OSBPL5: variants seen among roughly 807,000 people sequenced by gnomAD.
OSBPL5 encodes the protein oxysterol binding protein like 5, also known as oxysterol-binding protein-related protein 5.
In OSBPL5, 71 loss-of-function variants were observed where a neutral mutation model predicts 111.2. The ratio of observed to expected loss-of-function variants is 0.64; its 90% CI spans 0.53 to 0.78. The LOEUF (loss-of-function observed/expected upper bound fraction) is 0.78. Ranked by LOEUF, OSBPL5 falls within the 30% of genes least tolerant of loss-of-function variation. OSBPL5 has a pLI of 0.00. For synonymous variants in OSBPL5, 549 were observed against 513.9 expected (o/e 1.07, Z -0.93); for missense variants, 1,210 against 1,189.3 (o/e 1.02, Z -0.26).
chr11:3,107,692 G>A lies in OSBPL5; in HGVS notation c.866+79C>T. The stretch of plus-strand genomic sequence containing the variant: ...TGCAGCCCACCAGAGCAGTGGCTGG[G>A]GCTGTCCTCTCCCCTCTTCCTCGCC... On this transcript the variant is annotated intron_variant, in intron 8 of 21. Coordinates refer to ENST00000263650, the MANE Select transcript of OSBPL5 (RefSeq NM_020896.4). The surrounding 1 kb of genome is among the most constrained non-coding windows in gnomAD (Gnocchi z 6.1). The A allele has an allele frequency of 3.9e-6, 6 of 1,552,868 alleles. No individual in the cohort carries two copies. The highest frequency in any genetic ancestry group is 5.2e-6 in the Non-Finnish European group (6 of 1,143,332).
Position 3,102,183 on chromosome 11 carries a change from C to T in OSBPL5, c.1425G>A (p.Gln475=). The T allele has an allele frequency of 1.9e-6, 3 of 1,597,182 alleles. No homozygotes were observed. Among genetic ancestry groups the T allele is most frequent in the Non-Finnish European group, 2.6e-6 (3 of 1,172,566 alleles). ...TDSRTFYIAE[Q]VSHHPPVSAF... ...CCGGTTGCAGCAGAGGTGCTCTTGC[C>T]TGCTCTGCTATGTAGAATGTGCGGC... The change falls in exon 12 of 22, where the codon CAG becomes CAA. Residue 475 remains glutamine, a splice_region_variant and synonymous_variant. Transcript: ENST00000263650.
chr11:3,139,263 C>T (rs1454926623), intron 1 of OSBPL5, among the ~76,000 whole-genome samples: 5 of 152,134 alleles, frequency 3.3e-5, no homozygotes, highest in Admixed American at 6.5e-5. Context: ...GCTGAGTGAG[C>T]GGAGACCAGG....
At position 3,092,310 on chromosome 11, in the gene OSBPL5, G is replaced by C. The variant is rs752387652; in HGVS notation, c.2259+122C>G. 5 of 1,313,838 alleles carry C rather than the reference G, an allele frequency of 3.8e-6. No individual in the cohort carries two copies. In the East Asian group the frequency reaches 1.3e-4, roughly 34 times the overall value. 81.4% of individuals were successfully genotyped at this position (1,313,838 alleles called of 1,614,324 possible). ...AGAAGGAAAGGGGACGAGGGGGCTGGGGGATGAGGGCGTGAGGGAAACGGA... is the reference window on the plus strand; with the variant it reads ...AGAAGGAAAGGGGACGAGGGGGCTGCGGGATGAGGGCGTGAGGGAAACGGA... On this transcript the variant is annotated intron_variant, in intron 19 of 21. Coordinates refer to ENST00000263650, the MANE Select transcript of OSBPL5 (RefSeq NM_020896.4). The surrounding 1 kb of genome is among the most constrained non-coding windows in gnomAD (Gnocchi z 5.4).
chr11:3,096,251 T>C (rs1300715680), intron 14 of OSBPL5, among the ~76,000 whole-genome samples: 1 of 152,202 alleles, frequency 6.6e-6, no homozygotes, highest in Non-Finnish European at 1.5e-5. Context: ...ATGAACCAGA[T>C]TGTAGACTCG....
chr11:3,149,998 G>A (rs1284671040), intron 1 of OSBPL5, among the ~76,000 whole-genome samples: 2 of 152,160 alleles, frequency 1.3e-5, no homozygotes, highest in Non-Finnish European at 2.9e-5. Context: ...GTGCACAGAT[G>A]CATGCATGCA....
intron 11 of OSBPL5, among the ~76,000 whole-genome samples, chr11:3,103,023 G>C (rs1857510726): frequency 1.3e-5 from 2 of 152,160 alleles, no homozygotes; most frequent in South Asian, 4.1e-4. Flanking sequence ...CCACCCTTGG[G>C]GACCCGGCCT....
At chr11:3,092,000 C>T (rs1378059976) in intron 19 of OSBPL5, among the ~76,000 whole-genome samples, 1 of 152,226 alleles carries the variant, frequency 6.6e-6, no homozygotes, top group Non-Finnish European at 1.5e-5. Context: ...CCCAAGGCAG[C>T]TTCCTCAGGT....
At chr11:3,090,409 TGG>T in intron 20 of OSBPL5, 147 bp downstream of exon 20, 2 of 1,034,524 alleles carry the variant, frequency 1.9e-6, no homozygotes, top group Non-Finnish European at 2.7e-6. Flanking sequence ...CAGAGCCTGC[TGG>T]GGGGCCCCTC....
At chr11:3,091,901 C>CT (rs1487329870) in intron 19 of OSBPL5, among the ~76,000 whole-genome samples, 3 of 152,154 alleles carry the variant, frequency 2.0e-5, no homozygotes, top group African/African-American at 7.2e-5. Flanking sequence ...AGGTGCACGG[C>CT]TGGGGCGGTG....
Position 3,109,824 on chromosome 11 carries a change from T to C in OSBPL5, c.692-1879A>G, listed in dbSNP as rs1055598944. On this transcript the variant is annotated intron_variant, in intron 7 of 21. Transcript: ENST00000263650. The surrounding 1 kb of genome is among the most constrained non-coding windows in gnomAD (Gnocchi z 7.4). ...TGTAGCTGCCACAAAGGACTAGACA[T>C]CCTGAATATTATGCATCCTTTGAAG... Among the ~76,000 whole-genome samples, 1 of 152,130 alleles carries C rather than the reference T, an allele frequency of 6.6e-6. No homozygotes were observed. Among genetic ancestry groups the C allele is most frequent in the Non-Finnish European group, 1.5e-5 (1 of 68,020 alleles).
At chr11:3,112,057 A>ATCTG (rs1857991075) in intron 7 of OSBPL5, among the ~76,000 whole-genome samples, 44 of 118,160 alleles carry the variant, frequency 3.7e-4, no homozygotes, top group Non-Finnish European at 1.6e-4. Flanking sequence ...ATGTGTGTGC[A>ATCTG]TGTGTATGTG....
At chr11:3,099,235 C>CT (rs142297064) in intron 14 of OSBPL5, among the ~76,000 whole-genome samples, 189 of 152,334 alleles carry the variant, frequency 1.2e-3, no homozygotes, top group African/African-American at 4.4e-3. Flanking sequence ...GTGGCTCCAT[C>CT]TAGTCACGTC....
chr11:3,111,155 C>G (rs2084236), intron 7 of OSBPL5, among the ~76,000 whole-genome samples: 8 of 150,708 alleles, frequency 5.3e-5, no homozygotes, highest in Admixed American at 4.0e-4. Flanking sequence ...GCCCCACCCC[C>G]ACCCCCTGCC....
chr11:3,135,873 GGAGGGGACA>G (rs1219599363), intron 1 of OSBPL5, among the ~76,000 whole-genome samples: 1 of 152,092 alleles, frequency 6.6e-6, no homozygotes, highest in Non-Finnish European at 1.5e-5. Context: ...TAGGAGTTGC[GGAGGGGACA>G]GAGGCGAGGG....
chr11:3,150,366 C>T (rs77169228), intron 1 of OSBPL5, among the ~76,000 whole-genome samples: 2,617 of 152,224 alleles, frequency 0.017, 26 homozygotes, highest in Non-Finnish European at 0.021. Flanking sequence ...CAGGCCTGTC[C>T]CAGGTTGTCT....
chr11:3,125,111 C>CA (rs143666816), intron 3 of OSBPL5, among the ~76,000 whole-genome samples: 6,733 of 152,288 alleles, frequency 0.044, 183 homozygotes, highest in Admixed American at 0.084. Context: ...GTCCTCTGCT[C>CA]ACTCCTCAGT....
At chr11:3,122,214 G>A (rs1858443571) in intron 4 of OSBPL5, 116 bp from the exon 5 acceptor site, 6 of 1,324,636 alleles carry the variant, frequency 4.5e-6, no homozygotes, top group Non-Finnish European at 5.2e-6. Flanking sequence ...GAAGTAGGAG[G>A]AAGTAGGGGG....
intron 1 of OSBPL5, among the ~76,000 whole-genome samples, chr11:3,155,106 C>A (rs1184059756): frequency 6.6e-6 from 1 of 152,144 alleles, no homozygotes; most frequent in African/African-American, 2.4e-5. Context: ...TCAGGAGAAA[C>A]CAGCCCTGAA....
Position 3,104,334 on chromosome 11 carries a change from T to C in OSBPL5, c.1103A>G (p.Lys368Arg). 9 of 1,613,256 alleles carry C rather than the reference T, an allele frequency of 5.6e-6. No individual in the cohort carries two copies. Among genetic ancestry groups the C allele is most frequent in the Non-Finnish European group, 6.8e-6 (8 of 1,179,924 alleles). Reference sequence around the variant, plus strand: ...CTTCAGCAGGGTCCACATCAGACTCTTGTTCTCCTCTGACACTGTCTCCAC... The same window carrying C: ...CTTCAGCAGGGTCCACATCAGACTCCTGTTCTCCTCTGACACTGTCTCCAC... ...SQVETVSEEN[K>R]SLMWTLLKQL... The change falls in exon 10 of 22, where the codon AAG (lysine) becomes AGG (arginine). Residue 368 changes from lysine (K) to arginine (R), a missense_variant. Lys to Arg is a conservative substitution (Grantham distance 26). Transcript: ENST00000263650. This position sits in a 1 kb window ranked among gnomAD's most constrained non-coding sequence, Gnocchi z 5.0.
Sources: gnomAD v4.1 joint callset for allele counts (sites outside exome capture counted in the v4.1 genomes callset) on GRCh38, gnomAD v4.1.1 for gene constraint, Gnocchi (gnomAD v3.1) non-coding constraint, MANE v1.5 for transcripts, NCBI Gene and HGNC (gene_info 2026-07-23, HGNC 2026-07-21) for gene names.